WNK1: variants seen among roughly 807,000 people sequenced by gnomAD.
WNK1 encodes the protein serine/threonine-protein kinase WNK1.
WNK1 carries 38 observed loss-of-function variants against 222.8 expected under a neutral mutation model. The ratio of observed to expected loss-of-function variants is 0.17; its 90% CI spans 0.13 to 0.22. The LOEUF is 0.22. Among genes scored for constraint, WNK1 ranks in the 10% least tolerant of loss-of-function variants. The pLI is 1.00. For synonymous variants in WNK1, 1,090 were observed against 1,092.9 expected (o/e 1.00, Z 0.05); for missense variants, 2,348 against 2,918.4 (o/e 0.80, Z 4.50).
chr12:882,016 T>C lies in WNK1; in HGVS notation c.3315T>C (p.Ser1105=), dbSNP rs776724654. The C allele has an allele frequency of 1.5e-5, 24 of 1,614,024 alleles. No homozygotes were observed. In the South Asian group the frequency reaches 1.5e-4, roughly 10 times the overall value. Residue 1105 remains serine, a synonymous_variant, in exon 14 of 28, where the codon TCT becomes TCC. Transcript: ENST00000315939. The part of the protein sequence containing the change: ...GRTTKRHYRK[S]VRSRSRHEKT... The stretch of plus-strand genomic sequence containing the variant: ...CTACAAAACGGCATTACCGAAAATC[T>C]GTAAGGAGTCGCTCTCGACATGAAA...
chr12:753,962 G>A lies in WNK1; in HGVS notation c.397G>A (p.Val133Ile), dbSNP rs753342253. The A allele has an allele frequency of 2.4e-5, 38 of 1,601,774 alleles. No individual in the cohort carries two copies. In the East Asian group the frequency reaches 7.5e-4, roughly 31 times the overall value. ...CGTGACCGCCACCGCCACTTCCCAG[G>A]TAGCCCAGCAGCCTCCAGCCGCTGC... ...ETVTATATSQ[V>I]AQQPPAAAAP... Residue 133 changes from valine to isoleucine, a missense_variant, in exon 1 of 28, where the codon GTA (valine) becomes ATA (isoleucine). Val to Ile is a conservative substitution (Grantham distance 29). Coordinates refer to ENST00000315939, the MANE Select transcript of WNK1 (RefSeq NM_018979.4). The surrounding 1 kb of genome is among the most constrained non-coding windows in gnomAD (Gnocchi z 5.2).
At chr12:839,107 G>A (rs1949423806) in intron 4 of WNK1, among the ~76,000 whole-genome samples, 1 of 152,212 alleles carries the variant, frequency 6.6e-6, no homozygotes, top group African/African-American at 2.4e-5. Context: ...GCATGTAAGA[G>A]TGGTACCTAA....
At chr12:831,972 G>A (rs1247273547) in intron 4 of WNK1, among the ~76,000 whole-genome samples, 1 of 151,684 alleles carries the variant, frequency 6.6e-6, no homozygotes, top group Admixed American at 6.6e-5. Context: ...TTCATTTTTA[G>A]TGATGTAATT....
At chr12:793,759 A>G (rs1464630070) in intron 1 of WNK1, among the ~76,000 whole-genome samples, 1 of 152,188 alleles carries the variant, frequency 6.6e-6, no homozygotes, top group Non-Finnish European at 1.5e-5. Context: ...TTGCATTTTT[A>G]TAAACAGCTT....
chr12:866,907 T>A lies in WNK1; in HGVS notation c.2140-4358T>A, dbSNP rs146749157. Among the ~76,000 whole-genome samples the A allele has an allele frequency of 3.4e-3, 514 of 152,212 alleles. 8 individuals are homozygous for A. Among genetic ancestry groups the A allele is most frequent in the African/African-American group, 0.012 (486 of 41,540 alleles). ...GGGAGGCCGAAGTGAGCAGATCACC[T>A]GAGGTCAGGAGTTCGAGACCAGCCT... On this transcript the variant is annotated intron_variant, in intron 8 of 27. Coordinates refer to ENST00000315939, the MANE Select transcript of WNK1 (RefSeq NM_018979.4).
chr12:801,792 G>T (rs1447787302), intron 1 of WNK1, among the ~76,000 whole-genome samples: 1 of 152,116 alleles, frequency 6.6e-6, no homozygotes, highest in Non-Finnish European at 1.5e-5. Flanking sequence ...AAAATTGACA[G>T]ATATAAAGAC....
Position 908,980 on chromosome 12 carries a change from TGGAATG to T in WNK1, c.*192_*197del, listed in dbSNP as rs1205788782. 8 of 687,110 alleles carry T rather than the reference TGGAATG, an allele frequency of 1.2e-5. No homozygotes were observed. Among genetic ancestry groups the T allele is most frequent in the Non-Finnish European group, 1.9e-5 (8 of 411,840 alleles). 42.6% of individuals were successfully genotyped at this position (687,110 alleles called of 1,614,324 possible). A position where few individuals can be genotyped will look rare whatever the true frequency, so the allele number is the denominator to read the frequency against. The stretch of plus-strand genomic sequence containing the variant: ...GGAGAGTCTCCCCCGCTCCAGTTAT[TGGAATG>T]GGAGAGGAAGGAAAGAACAGCTTTT... On this transcript the variant is annotated 3_prime_UTR_variant, in exon 28 of 28. Coordinates refer to ENST00000315939, the MANE Select transcript of WNK1 (RefSeq NM_018979.4).
chr12:877,084 A>G (rs1315193511), intron 9 of WNK1, among the ~76,000 whole-genome samples: 3 of 110,802 alleles, frequency 2.7e-5, no homozygotes, highest in African/African-American at 3.5e-5. Flanking sequence ...TTTTTTGGAG[A>G]CAGAGTTTCG....
In WNK1 at chr12:906,028, T is replaced by C. The variant is rs139958391; in HGVS notation, c.6644-1819T>C. 5.9e-5 allele frequency among the ~76,000 whole-genome samples: 9 copies of C among 152,302 alleles called. No homozygotes were observed. In the East Asian group the frequency reaches 1.7e-3, roughly 29 times the overall value. ...CCAGGTGGTAGGATATAAGCTTGAC[T>C]TGAGACCAGCGATGGTCAGTAACAG... On this transcript the variant is annotated intron_variant, in intron 26 of 27. Coordinates refer to ENST00000315939, the MANE Select transcript of WNK1 (RefSeq NM_018979.4).
intron 1 of WNK1, among the ~76,000 whole-genome samples, chr12:806,287 G>A (rs1461510137): frequency 1.3e-5 from 2 of 152,176 alleles, no homozygotes; most frequent in African/African-American, 4.8e-5. Flanking sequence ...AATAACAAGA[G>A]TCCTTATCTG....
In WNK1 at chr12:861,320, A is replaced by G. The variant is rs1195061483; in HGVS notation, c.1928A>G (p.Gln643Arg). ...GATCAACATCAACAACTACAGTACC[A>G]GCAACCCAGTATATCTGTGTTATGT... is the stretch of plus-strand genomic sequence containing the variant. ...EADQHQQLQYQQPSISVLSDG... is the reference protein window; with the variant it reads ...EADQHQQLQYRQPSISVLSDG... Residue 643 changes from glutamine to arginine, a missense_variant, in exon 7 of 28, where the codon CAG becomes CGG. By Grantham distance (43) the Gln-to-Arg change is conservative. Transcript: ENST00000315939. The G allele has an allele frequency of 1.2e-6, 2 of 1,614,156 alleles. No individual in the cohort carries two copies. Among genetic ancestry groups the G allele is most frequent in the South Asian group, 1.1e-5 (1 of 91,080 alleles).
intron 4 of WNK1, among the ~76,000 whole-genome samples, chr12:832,017 A>G (rs1007462019): frequency 6.6e-6 from 1 of 151,908 alleles, no homozygotes; most frequent in Admixed American, 6.6e-5. Context: ...GTAATTATCA[A>G]TTGCTTATTT....
rs1327081432 is a variant in WNK1, at chr12:826,947, T to C, written c.933-95T>C. The C allele has an allele frequency of 3.9e-5, 37 of 952,772 alleles. No homozygotes were observed. The South Asian group carries it at 5.1e-4, about 13-fold the overall frequency. The allele number at this position is 952,772 out of a possible 1,614,324, so 59.0% of individuals were successfully genotyped here. On this transcript the variant is annotated intron_variant, in intron 2 of 27. Coordinates refer to ENST00000315939, the MANE Select transcript of WNK1 (RefSeq NM_018979.4). The stretch of plus-strand genomic sequence containing the variant: ...GAATCTTAGTATGCTAAATTTGATA[T>C]TCCCATCTCCAGTCATGTTAGAATT...
intron 26 of WNK1, among the ~76,000 whole-genome samples, chr12:904,105 C>T (rs1230550064): frequency 6.6e-6 from 1 of 152,268 alleles, no homozygotes; most frequent in Non-Finnish European, 1.5e-5. Flanking sequence ...TCAGTGGAAA[C>T]GCTGCTTGGG....
At chr12:864,827 A>G (rs528822646) in intron 8 of WNK1, among the ~76,000 whole-genome samples, 1 of 152,254 alleles carries the variant, frequency 6.6e-6, no homozygotes, top group South Asian at 2.1e-4. Flanking sequence ...TACACTTGTA[A>G]CACTTGGTGT....
At chr12:879,503 GGCAGCCTTGC>G in intron 10 of WNK1, 60 bp from the exon 11 acceptor site, 1 of 889,494 alleles carries the variant, frequency 1.1e-6, no homozygotes, top group East Asian at 3.6e-5. Flanking sequence ...TCTTGCTTTT[GGCAGCCTTGC>G]TTTTTTTTTT....
chr12:893,260 G>GA (rs973275013), intron 22 of WNK1, among the ~76,000 whole-genome samples: 2 of 151,598 alleles, frequency 1.3e-5, no homozygotes, highest in African/African-American at 4.8e-5. Flanking sequence ...CTGTCTCAGG[G>GA]AAAAAAGAAA....
intron 24 of WNK1, 58 bp downstream of exon 24, chr12:896,790 A>C (rs1461255265): frequency 7.0e-6 from 11 of 1,572,636 alleles, no homozygotes; most frequent in Non-Finnish European, 9.5e-6. Flanking sequence ...CCTAGATCCC[A>C]GGGCCAAGAT....
At chr12:849,376 A>G (rs1356427827) in intron 4 of WNK1, among the ~76,000 whole-genome samples, 1 of 152,194 alleles carries the variant, frequency 6.6e-6, no homozygotes, top group South Asian at 2.1e-4. Flanking sequence ...CAACAAAGCA[A>G]TGAGCAATGC....
Sources: gnomAD v4.1 joint callset for allele counts (sites outside exome capture counted in the v4.1 genomes callset) on GRCh38, gnomAD v4.1.1 for gene constraint, Gnocchi (gnomAD v3.1) non-coding constraint, MANE v1.5 for transcripts, NCBI Gene and HGNC (gene_info 2026-07-23, HGNC 2026-07-21) for gene names.